ARID1B: variants seen among roughly 807,000 people sequenced by gnomAD.
ARID1B encodes the protein AT-rich interaction domain 1B, also known as AT-rich interactive domain-containing protein 1B.
In ARID1B, 30 loss-of-function variants were observed where a neutral mutation model predicts 212.3. That is an observed-to-expected ratio of 0.14 (90% CI 0.11 to 0.19). The LOEUF (loss-of-function observed/expected upper bound fraction) is 0.19, where lower values mean the gene tolerates loss of function less well. Ranked by LOEUF, ARID1B falls within the 10% of genes least tolerant of loss-of-function variation. The pLI, the probability that ARID1B is intolerant of heterozygous loss-of-function variation, is 1.00. For synonymous variants in ARID1B, 1,402 were observed against 1,301.7 expected (o/e 1.08, Z -1.66); for missense variants, 2,891 against 3,204.0 (o/e 0.90, Z 2.36).
At chr6:156,896,909 A>G (rs1302222272) in intron 2 of ARID1B, among the ~76,000 whole-genome samples, 1 of 152,156 alleles carries the variant, frequency 6.6e-6, no homozygotes, top group Non-Finnish European at 1.5e-5. Context: ...CTTTAGAAGG[A>G]AAAAGGGGGA....
intron 2 of ARID1B, among the ~76,000 whole-genome samples, chr6:156,850,311 C>T: frequency 6.6e-6 from 1 of 152,092 alleles, no homozygotes; most frequent in African/African-American, 2.4e-5. Flanking sequence ...TTTATTATTG[C>T]ATTTTGGGTG....
intron 2 of ARID1B, among the ~76,000 whole-genome samples, chr6:156,886,102 A>G (rs1276480507): frequency 2.6e-5 from 4 of 152,196 alleles, no homozygotes; most frequent in Non-Finnish European, 5.9e-5. Context: ...GAAATCCAAG[A>G]CACTTCTGAT....
chr6:157,207,182 G>C lies in ARID1B; in HGVS notation c.6410G>C (p.Trp2137Ser). 1.9e-6 allele frequency: 3 copies of C among 1,614,160 alleles called. No individual in the cohort carries two copies. Among genetic ancestry groups the C allele is most frequent in the Non-Finnish European group, 2.5e-6 (3 of 1,180,022 alleles). Residue 2137 changes from tryptophan (W) to serine (S), a missense_variant, in exon 20 of 20, where the codon TGG becomes TCG. Coordinates refer to ENST00000636930, the MANE Select transcript of ARID1B (RefSeq NM_001374828.1). The surrounding 1 kb of genome is among the most constrained non-coding windows in gnomAD (Gnocchi z 8.5). ...GCCTGCAGCAAAGATGAGTGGTGGT[G>C]GGACTGCCTCGAGGTCTTGAGGGAT... The part of the protein sequence containing the change: ...GVACSKDEWW[W>S]DCLEVLRDNT...
chr6:156,786,919 A>G (rs1290609026), intron 1 of ARID1B, among the ~76,000 whole-genome samples: 1 of 147,982 alleles, frequency 6.8e-6, no homozygotes, highest in Non-Finnish European at 1.5e-5. Context: ...GATAGCAACC[A>G]TGTGGGTCAG....
chr6:157,020,904 TAC>T (rs1780195602), intron 4 of ARID1B, among the ~76,000 whole-genome samples: 1 of 152,244 alleles, frequency 6.6e-6, no homozygotes, highest in African/African-American at 2.4e-5. Flanking sequence ...CTAGAAACGA[TAC>T]ATTCTTACAA....
intron 8 of ARID1B, among the ~76,000 whole-genome samples, chr6:157,158,802 A>G (rs190959297): frequency 6.6e-6 from 1 of 152,334 alleles, no homozygotes; most frequent in African/African-American, 2.4e-5. Flanking sequence ...CTCCTTGGAA[A>G]TAACAGAGAT....
chr6:157,020,069 G>A (rs1291950474), intron 4 of ARID1B, among the ~76,000 whole-genome samples: 1 of 152,154 alleles, frequency 6.6e-6, no homozygotes, highest in Admixed American at 6.5e-5. Flanking sequence ...GGATGAAGAA[G>A]TAGCAAAAGA....
chr6:157,016,897 C>A (rs892155686), intron 4 of ARID1B, among the ~76,000 whole-genome samples: 1 of 152,154 alleles, frequency 6.6e-6, no homozygotes, highest in Non-Finnish European at 1.5e-5. Flanking sequence ...GGGCATTTTA[C>A]TTGAAGTCAT....
intron 2 of ARID1B, among the ~76,000 whole-genome samples, chr6:156,886,462 A>G (rs1787509802): frequency 6.6e-6 from 1 of 152,030 alleles, no homozygotes; most frequent in Admixed American, 6.5e-5. Context: ...GCTCTCTTGT[A>G]TCCTCTGGGC....
chr6:156,853,668 C>G (rs1784726114), intron 2 of ARID1B, among the ~76,000 whole-genome samples: 2 of 152,158 alleles, frequency 1.3e-5, no homozygotes, highest in Non-Finnish European at 2.9e-5. Context: ...AGGCTCAGCC[C>G]TAACCTCGAA....
chr6:157,183,394 A>G (rs1468752981), intron 12 of ARID1B, among the ~76,000 whole-genome samples: 3 of 152,190 alleles, frequency 2.0e-5, no homozygotes, highest in Non-Finnish European at 4.4e-5. Context: ...ATTAAAAACC[A>G]CTGTCCCCTT....
At chr6:157,034,263 T>A (rs1781184771) in intron 4 of ARID1B, among the ~76,000 whole-genome samples, 1 of 152,266 alleles carries the variant, frequency 6.6e-6, no homozygotes, top group Non-Finnish European at 1.5e-5. Context: ...AAACATTGCA[T>A]TTAATAAATA....
chr6:156,976,010 G>A (rs1172973641), intron 4 of ARID1B, among the ~76,000 whole-genome samples: 3 of 151,934 alleles, frequency 2.0e-5, no homozygotes, highest in Non-Finnish European at 1.5e-5. Context: ...AGGGTGGAGC[G>A]GGTGTATCGT....
intron 3 of ARID1B, among the ~76,000 whole-genome samples, chr6:156,920,961 T>C (rs999173032): frequency 2.6e-5 from 4 of 152,048 alleles, no homozygotes; most frequent in Non-Finnish European, 4.4e-5. Flanking sequence ...TTCAAGTGAT[T>C]CTCCTGCCTC....
intron 13 of ARID1B, chr6:157,185,697 A>AT (rs1792929148): frequency 6.6e-6 from 1 of 152,246 alleles, no homozygotes; most frequent in African/African-American, 2.4e-5. Flanking sequence ...TTACACATAG[A>AT]AGCCAGAGAA....
chr6:156,918,898 T>C (rs1263379823), intron 3 of ARID1B, among the ~76,000 whole-genome samples: 1 of 152,138 alleles, frequency 6.6e-6, no homozygotes, highest in Non-Finnish European at 1.5e-5. Context: ...TTTTTCTCCC[T>C]TGGGGGAAAA....
At position 157,203,729 on chromosome 6, in the gene ARID1B, AC is replaced by A; in HGVS notation, c.5264-136del. On this transcript the variant is annotated intron_variant, in intron 18 of 19. Coordinates refer to ENST00000636930, the MANE Select transcript of ARID1B (RefSeq NM_001374828.1). This position sits in a 1 kb window ranked among gnomAD's most constrained non-coding sequence, Gnocchi z 4.4. ...TTAAAATCGGAAATGATCACGCTTAACTGTCCTTGAGAGCATTTGTTTAAAG... is the reference window on the plus strand; with the variant it reads ...TTAAAATCGGAAATGATCACGCTTAATGTCCTTGAGAGCATTTGTTTAAAG... 7 of 1,090,946 alleles carry A rather than the reference AC, an allele frequency of 6.4e-6. No individual in the cohort carries two copies. The highest frequency in any genetic ancestry group is 9.5e-6 in the Non-Finnish European group (7 of 739,952). The allele number at this position is 1,090,946 out of a possible 1,614,324, so 67.6% of individuals were successfully genotyped here.
chr6:156,855,419 G>A (rs1784846477), intron 2 of ARID1B, among the ~76,000 whole-genome samples: 1 of 152,166 alleles, frequency 6.6e-6, no homozygotes, highest in Non-Finnish European at 1.5e-5. Context: ...TAACACAGAC[G>A]CGTGGGATGC....
At chr6:157,056,702 A>G (rs946621235) in intron 4 of ARID1B, among the ~76,000 whole-genome samples, 1 of 152,250 alleles carries the variant, frequency 6.6e-6, no homozygotes, top group Non-Finnish European at 1.5e-5. Context: ...TGAAATGCTC[A>G]GAAAAAATTT....
Sources: allele counts gnomAD v4.1 joint callset (sites outside exome capture counted in the v4.1 genomes callset), GRCh38; gene constraint gnomAD v4.1.1; non-coding constraint Gnocchi (gnomAD v3.1); transcripts MANE v1.5; gene names NCBI Gene and HGNC (gene_info 2026-07-23, HGNC 2026-07-21).